The following SPAG16 variants were observed in gnomAD, a reference collection of about 807,000 sequenced individuals.
SPAG16 encodes the protein sperm associated antigen 16.
A neutral mutation model predicts 80.4 loss-of-function variants in SPAG16; 86 were observed. The ratio of observed to expected loss-of-function variants is 1.07; its 90% CI spans 0.90 to 1.28. The LOEUF (loss-of-function observed/expected upper bound fraction) is 1.28, where lower values mean the gene tolerates loss of function less well. Among genes scored for constraint, SPAG16 ranks in the 50% most tolerant of loss-of-function variants. SPAG16 has a pLI of 0.00. For missense variants in SPAG16, 870 were observed against 765.3 expected, an observed-to-expected ratio of 1.14 and a Z score of -1.61; for synonymous variants, 294 against 265.9, an observed-to-expected ratio of 1.11 and a Z score of -1.03.
chr2:214,355,378 T>G (rs1348553632), intron 15 of SPAG16, among the ~76,000 whole-genome samples: 2 of 140,996 alleles, frequency 1.4e-5, no homozygotes, highest in African/African-American at 2.5e-5. Context: ...GAACAGACAC[T>G]TCTCAAAAGA....
intron 9 of SPAG16, among the ~76,000 whole-genome samples, chr2:213,389,203 G>C (rs2125284157): frequency 6.6e-6 from 1 of 152,180 alleles, no homozygotes; most frequent in South Asian, 2.1e-4. Flanking sequence ...TGGGAATACT[G>C]GGTATCTACA....
chr2:214,272,511 A>AAT (rs1692110088), intron 15 of SPAG16, among the ~76,000 whole-genome samples: 1 of 152,012 alleles, frequency 6.6e-6, no homozygotes, highest in South Asian at 2.1e-4. Context: ...CTCATTGTTC[A>AAT]ATTCCCACCT....
chr2:213,333,963 C>CA (rs2064226331), intron 5 of SPAG16, among the ~76,000 whole-genome samples: 2 of 151,894 alleles, frequency 1.3e-5, no homozygotes, highest in South Asian at 4.2e-4. Context: ...AAATAATGGA[C>CA]AAATGGCATC....
intron 9 of SPAG16, among the ~76,000 whole-genome samples, chr2:213,420,882 G>T (rs903439425): frequency 6.6e-6 from 1 of 152,188 alleles, no homozygotes; most frequent in Non-Finnish European, 1.5e-5. Context: ...TAGTCTGCTT[G>T]TTTGGTATGT....
intron 10 of SPAG16, among the ~76,000 whole-genome samples, chr2:213,788,252 T>G (rs565827922): frequency 6.6e-6 from 1 of 151,960 alleles, no homozygotes; most frequent in African/African-American, 2.4e-5. Context: ...CAGCTGAATT[T>G]TATATAGTCA....
At chr2:213,643,769 T>TTC (rs1672397349) in intron 10 of SPAG16, among the ~76,000 whole-genome samples, 1 of 65,030 alleles carries the variant, frequency 1.5e-5, no homozygotes, top group African/African-American at 6.7e-5. Context: ...CACTACTTCT[T>TTC]TTTTTTTTTT....
intron 10 of SPAG16, among the ~76,000 whole-genome samples, chr2:213,672,862 T>G (rs2063871684): frequency 1.5e-5 from 2 of 135,938 alleles, no homozygotes; most frequent in South Asian, 2.1e-4. Context: ...TTTGTTTGTT[T>G]TTTTTTTTTT....
At chr2:213,922,937 G>T (rs1041480710) in intron 11 of SPAG16, among the ~76,000 whole-genome samples, 1 of 152,186 alleles carries the variant, frequency 6.6e-6, no homozygotes, top group Non-Finnish European at 1.5e-5. Flanking sequence ...TGATGTCCAT[G>T]TGCTCCCTGG....
At chr2:213,420,831 A>G (rs542955797) in intron 9 of SPAG16, among the ~76,000 whole-genome samples, 86 of 152,354 alleles carry the variant, frequency 5.6e-4, no homozygotes, top group South Asian at 3.9e-3. Context: ...AAAGAAAGCA[A>G]TACCCATCAT....
chr2:213,317,654 C>T (rs1301790888), intron 5 of SPAG16: 1 of 1,022,560 alleles, frequency 9.8e-7, no homozygotes, highest in African/African-American at 1.7e-5. Flanking sequence ...ATAACATTTT[C>T]TCCTGTAAAG....
intron 15 of SPAG16, among the ~76,000 whole-genome samples, chr2:214,270,418 A>G (rs1232587363): frequency 6.6e-6 from 1 of 152,200 alleles, no homozygotes; most frequent in Non-Finnish European, 1.5e-5. Flanking sequence ...GATAAAATAC[A>G]AAAAGTATCT....
At chr2:213,726,346 T>C (rs1304393574) in intron 10 of SPAG16, among the ~76,000 whole-genome samples, 4 of 152,224 alleles carry the variant, frequency 2.6e-5, no homozygotes, top group African/African-American at 9.6e-5. Flanking sequence ...GATTGATTCC[T>C]ACCCTTCATT....
At chr2:213,346,728 G>A (rs1366844635) in intron 6 of SPAG16, among the ~76,000 whole-genome samples, 1 of 152,198 alleles carries the variant, frequency 6.6e-6, no homozygotes, top group Non-Finnish European at 1.5e-5. Flanking sequence ...CAGGGATGAA[G>A]CCCACTTGAT....
chr2:213,623,309 C>T (rs779243182), intron 10 of SPAG16, among the ~76,000 whole-genome samples: 14 of 152,000 alleles, frequency 9.2e-5, no homozygotes, highest in Non-Finnish European at 1.8e-4. Flanking sequence ...ACTATGTCAT[C>T]ACTAAATCGA....
chr2:213,659,744 T>C (rs2063349790), intron 10 of SPAG16, among the ~76,000 whole-genome samples: 1 of 152,134 alleles, frequency 6.6e-6, no homozygotes, highest in Non-Finnish European at 1.5e-5. Flanking sequence ...AAGTCAGTAT[T>C]TTTTTTCCAT....
intron 15 of SPAG16, among the ~76,000 whole-genome samples, chr2:214,354,985 C>T (rs1182028438): frequency 6.6e-6 from 1 of 152,070 alleles, no homozygotes; most frequent in African/African-American, 2.4e-5. Flanking sequence ...ATTGAATACC[C>T]TTTATTTCCT....
At chr2:213,388,002 T>G (rs2067539429) in intron 9 of SPAG16, among the ~76,000 whole-genome samples, 1 of 152,174 alleles carries the variant, frequency 6.6e-6, no homozygotes, top group Admixed American at 6.5e-5. Flanking sequence ...CTGTCTGATA[T>G]AATGATTTGG....
At chr2:214,244,014 C>T (rs1689670729) in intron 15 of SPAG16, among the ~76,000 whole-genome samples, 1 of 151,950 alleles carries the variant, frequency 6.6e-6, no homozygotes. Context: ...CTTTCACAGC[C>T]ATTTATAAAT....
intron 11 of SPAG16, among the ~76,000 whole-genome samples, chr2:213,866,683 T>A (rs1187743821): frequency 3.9e-5 from 6 of 152,120 alleles, no homozygotes; most frequent in Admixed American, 3.3e-4. Context: ...AGGAAATAGT[T>A]CAAGAGGGGA....
Sources: allele counts gnomAD v4.1 joint callset (sites outside exome capture counted in the v4.1 genomes callset), GRCh38; gene constraint gnomAD v4.1.1; transcripts MANE v1.5; gene names NCBI Gene and HGNC (gene_info 2026-07-23, HGNC 2026-07-21).